The following MECOM variants were observed in gnomAD, a reference collection of about 807,000 sequenced individuals.
MECOM encodes the protein MDS1 and EVI1 complex locus.
In MECOM, 13 loss-of-function variants were observed where a neutral mutation model predicts 116.3. The observed-to-expected ratio is 0.11, with a 90% CI of 0.07 to 0.18. The LOEUF (loss-of-function observed/expected upper bound fraction) is 0.18. MECOM is among the 10% of genes least tolerant of loss of function. MECOM has a pLI of 1.00. For synonymous variants in MECOM, 528 were observed against 535.2 expected (o/e 0.99, Z 0.19); for missense variants, 1,299 against 1,509.0 (o/e 0.86, Z 2.31).
At chr3:169,090,361 T>C (rs888522611) in intron 14 of MECOM, 125 bp from the exon 15 acceptor site, 12 of 802,558 alleles carry the variant, frequency 1.5e-5, no homozygotes, top group Non-Finnish European at 2.1e-5. Context: ...AAATGTTTTA[T>C]TGTTTATGCT....
intron 1 of MECOM, among the ~76,000 whole-genome samples, chr3:169,508,834 T>C (rs1262097244): frequency 6.6e-6 from 1 of 152,176 alleles, no homozygotes; most frequent in Non-Finnish European, 1.5e-5. Flanking sequence ...ACAAGAGGTT[T>C]TTAAAACAAT....
intron 13 of MECOM, among the ~76,000 whole-genome samples, chr3:169,094,489 T>A (rs950840285): frequency 6.6e-6 from 1 of 152,190 alleles, no homozygotes; most frequent in Non-Finnish European, 1.5e-5. Context: ...TTAAGAAAAG[T>A]CTAGTTTTAT....
chr3:169,227,509 G>A (rs1290882135), intron 2 of MECOM, among the ~76,000 whole-genome samples: 1 of 152,106 alleles, frequency 6.6e-6, no homozygotes, highest in African/African-American at 2.4e-5. Flanking sequence ...CAGATCATAA[G>A]GATTGGTAGG....
At chr3:169,582,305 A>G (rs1393681861) in intron 1 of MECOM, among the ~76,000 whole-genome samples, 2 of 152,120 alleles carry the variant, frequency 1.3e-5, no homozygotes, top group Non-Finnish European at 2.9e-5. Context: ...TAAATAAAAG[A>G]AAGGAAAAAA....
intron 10 of MECOM, among the ~76,000 whole-genome samples, chr3:169,104,324 A>G (rs1278394019): frequency 1.3e-5 from 2 of 152,252 alleles, no homozygotes; most frequent in Non-Finnish European, 2.9e-5. Context: ...TTGTTAAAAA[A>G]TCAATCCAGA....
At chr3:169,484,000 T>C (rs1751770732) in intron 1 of MECOM, 6 of 1,595,498 alleles carry the variant, frequency 3.8e-6, no homozygotes, top group Non-Finnish European at 5.1e-6. Flanking sequence ...ACTTCAGAAC[T>C]TGCTTCTTTT....
At chr3:169,518,177 C>T (rs58975809) in intron 1 of MECOM, among the ~76,000 whole-genome samples, 17,345 of 151,544 alleles carry the variant, frequency 0.11, 1,007 homozygotes, top group South Asian at 0.15. Flanking sequence ...GAGAATGGTG[C>T]GAACCCGGGA....
At chr3:169,107,808 A>G in intron 10 of MECOM, 118 bp downstream of exon 10, 1 of 768,428 alleles carries the variant, frequency 1.3e-6, no homozygotes, top group Non-Finnish European at 2.1e-6. Context: ...TGCTGGAACC[A>G]TATCACGTAA....
chr3:169,285,134 C>T (rs1713006876), intron 2 of MECOM, among the ~76,000 whole-genome samples: 1 of 152,066 alleles, frequency 6.6e-6, no homozygotes, highest in South Asian at 2.1e-4. Context: ...CTTTGAATTC[C>T]TCTCTACCTA....
chr3:169,260,084 G>A (rs1489900078), intron 2 of MECOM, among the ~76,000 whole-genome samples: 1 of 152,184 alleles, frequency 6.6e-6, no homozygotes, highest in Non-Finnish European at 1.5e-5. Flanking sequence ...CAAAATGGGG[G>A]AAATGTTCAT....
At chr3:169,320,832 G>A (rs976762758) in intron 2 of MECOM, among the ~76,000 whole-genome samples, 4 of 152,282 alleles carry the variant, frequency 2.6e-5, no homozygotes, top group Admixed American at 6.5e-5. Context: ...ATTACAGGAA[G>A]ACATAAGCTA....
chr3:169,357,613 C>T (rs1004890992), intron 2 of MECOM, among the ~76,000 whole-genome samples: 1 of 151,816 alleles, frequency 6.6e-6, no homozygotes, highest in African/African-American at 2.4e-5. Context: ...GGACTAATTA[C>T]AGGTGTGCTT....
intron 2 of MECOM, among the ~76,000 whole-genome samples, chr3:169,300,137 A>C (rs761045832): frequency 6.6e-6 from 1 of 152,296 alleles, no homozygotes; most frequent in Non-Finnish European, 1.5e-5. Context: ...TGTCAGCCTA[A>C]GATTATTATC....
chr3:169,660,071 G>A (rs1258810027), intron 1 of MECOM, among the ~76,000 whole-genome samples: 1 of 152,064 alleles, frequency 6.6e-6, no homozygotes, highest in African/African-American at 2.4e-5. Flanking sequence ...GGGTGGCTTC[G>A]GTATTTCAGG....
chr3:169,354,715 C>T (rs754864430), intron 2 of MECOM, among the ~76,000 whole-genome samples: 5 of 151,818 alleles, frequency 3.3e-5, no homozygotes, highest in Non-Finnish European at 7.4e-5. Context: ...CTCAGGATGC[C>T]GAACCAAGTA....
chr3:169,454,749 T>C lies in MECOM; in HGVS notation c.38-73225A>G, dbSNP rs545701393. Reference sequence around the variant, plus strand: ...GAAAAGTGACCACTTTCTCAAACAATATTTCTCTTCTTATTACACATTTAA... The same window carrying C: ...GAAAAGTGACCACTTTCTCAAACAACATTTCTCTTCTTATTACACATTTAA... On this transcript the variant is annotated intron_variant, in intron 1 of 16. Coordinates refer to ENST00000651503, the MANE Select transcript of MECOM (RefSeq NM_004991.4). 3.2e-4 allele frequency among the ~76,000 whole-genome samples: 49 copies of C among 152,302 alleles called. No homozygotes were observed. The South Asian group carries it at 4.1e-3, about 13-fold the overall frequency.
intron 2 of MECOM, among the ~76,000 whole-genome samples, chr3:169,198,316 C>T (rs1748702550): frequency 6.6e-6 from 1 of 152,030 alleles, no homozygotes; most frequent in African/African-American, 2.4e-5. Context: ...ATCAAACTTT[C>T]ACTTCACATT....
chr3:169,557,913 G>A (rs570621726), intron 1 of MECOM, among the ~76,000 whole-genome samples: 4 of 152,168 alleles, frequency 2.6e-5, no homozygotes, highest in Non-Finnish European at 5.9e-5. Context: ...TTAGCCAAAT[G>A]TAATAACAAA....
At chr3:169,152,687 G>A (rs1326299181) in intron 2 of MECOM, among the ~76,000 whole-genome samples, 1 of 152,136 alleles carries the variant, frequency 6.6e-6, no homozygotes, top group Non-Finnish European at 1.5e-5. Flanking sequence ...TTAGCACCCC[G>A]TTATTGTCCC....
Sources: gnomAD v4.1 joint callset for allele counts (sites outside exome capture counted in the v4.1 genomes callset) on GRCh38, gnomAD v4.1.1 for gene constraint, MANE v1.5 for transcripts, NCBI Gene and HGNC (gene_info 2026-07-23, HGNC 2026-07-21) for gene names.